The following STK32B variants were observed in gnomAD, a reference collection of about 807,000 sequenced individuals.
The protein encoded by STK32B is serine/threonine-protein kinase 32B.
A neutral mutation model predicts 52.6 loss-of-function variants in STK32B; 43 were observed. The observed-to-expected ratio is 0.82, with a 90% CI of 0.64 to 1.05. STK32B has a LOEUF of 1.05. STK32B is among the 50% of genes least tolerant of loss of function. The pLI is 0.00. For missense variants in STK32B, 621 were observed against 534.6 expected (o/e 1.16, Z -1.59); for synonymous variants, 238 against 204.3 (o/e 1.17, Z -1.41).
intron 11 of STK32B, among the ~76,000 whole-genome samples, chr4:5,497,165 C>T: frequency 6.6e-6 from 1 of 152,136 alleles, no homozygotes; most frequent in Non-Finnish European, 1.5e-5. Context: ...TTTAAATAAT[C>T]CCTGCAGTAT....
At position 5,129,323 on chromosome 4, in the gene STK32B, T is replaced by C. The variant is rs1054622227; in HGVS notation, c.53-10582T>C. On this transcript the variant is annotated intron_variant, in intron 1 of 11. Transcript: ENST00000282908. ...TCTTTATTGGAGTCCAACCTAGGTC[T>C]GTTAACGTCCAAAGCTGTTTTCTTC... 3.3e-5 allele frequency among the ~76,000 whole-genome samples: 5 copies of C among 152,222 alleles called. No homozygotes were observed. The East Asian group carries it at 9.6e-4, about 29-fold the overall frequency.
At chr4:5,030,205 A>G in the STK32B span, among the ~76,000 whole-genome samples, 40 of 152,222 alleles carry the variant, frequency 2.6e-4, no homozygotes, top group African/African-American at 9.6e-4. Context: ...CAATACATGG[A>G]CTAATGCACT....
chr4:5,159,542 T>C (rs376321126), intron 2 of STK32B, among the ~76,000 whole-genome samples: 1 of 102,942 alleles, frequency 9.7e-6, no homozygotes, highest in Non-Finnish European at 2.0e-5. Flanking sequence ...TGTATATATG[T>C]ATATATATGA....
At chr4:5,360,787 C>G (rs1432318901) in intron 4 of STK32B, among the ~76,000 whole-genome samples, 1 of 152,094 alleles carries the variant, frequency 6.6e-6, no homozygotes, top group African/African-American at 2.4e-5. Flanking sequence ...GCCTGGGCAA[C>G]AAGAGCAAAA....
intron 3 of STK32B, among the ~76,000 whole-genome samples, chr4:5,222,490 G>A (rs1196487601): frequency 6.6e-6 from 1 of 152,184 alleles, no homozygotes. Flanking sequence ...GAGAGTAAAG[G>A]CTGTTCTGAT....
intron 4 of STK32B, among the ~76,000 whole-genome samples, chr4:5,389,213 A>G (rs903737960): frequency 2.0e-5 from 3 of 152,188 alleles, no homozygotes; most frequent in Non-Finnish European, 4.4e-5. Context: ...TGGCTGTCCC[A>G]CATACGGACT....
intron 3 of STK32B, among the ~76,000 whole-genome samples, chr4:5,328,935 C>T (rs745956590): frequency 6.6e-5 from 10 of 152,108 alleles, no homozygotes; most frequent in African/African-American, 1.4e-4. Context: ...TGGCCGGGCG[C>T]GGTGGCTCAT....
intron 1 of STK32B, among the ~76,000 whole-genome samples, chr4:5,090,451 C>G (rs1011465474): frequency 7.1e-6 from 1 of 141,472 alleles, no homozygotes; most frequent in Non-Finnish European, 1.5e-5. Context: ...TCTTGGCTCA[C>G]TGCAAACTCT....
At chr4:5,476,127 T>C (rs1718221238) in intron 11 of STK32B, among the ~76,000 whole-genome samples, 1 of 152,152 alleles carries the variant, frequency 6.6e-6, no homozygotes, top group African/African-American at 2.4e-5. Flanking sequence ...CTCGATCTCC[T>C]GACCTCAGGT....
chr4:5,071,663 A>T (rs1577048981), intron 1 of STK32B, among the ~76,000 whole-genome samples: 1 of 152,294 alleles, frequency 6.6e-6, no homozygotes, highest in East Asian at 1.9e-4. Context: ...GGAGAATCAA[A>T]GGAGCTTAGC....
chr4:5,112,427 C>T (rs2108803193), intron 1 of STK32B, among the ~76,000 whole-genome samples: 1 of 152,182 alleles, frequency 6.6e-6, no homozygotes, highest in Middle Eastern at 3.4e-3. Flanking sequence ...AGGCTCGAGA[C>T]CCAAGAAGAG....
intron 3 of STK32B, among the ~76,000 whole-genome samples, chr4:5,264,417 A>G (rs552546987): frequency 7.9e-5 from 12 of 152,160 alleles, no homozygotes; most frequent in African/African-American, 2.6e-4. Context: ...TAATCTAATT[A>G]TTAGTATTTA....
chr4:5,238,492 T>G (rs1376422657), intron 3 of STK32B, among the ~76,000 whole-genome samples: 2 of 152,166 alleles, frequency 1.3e-5, no homozygotes, highest in Non-Finnish European at 2.9e-5. Flanking sequence ...TTTTACATTT[T>G]TCAAATAAAT....
chr4:5,377,579 C>T (rs1735661956), intron 4 of STK32B, among the ~76,000 whole-genome samples: 1 of 152,178 alleles, frequency 6.6e-6, no homozygotes. Context: ...GCCTCTATGT[C>T]CCGACCCCAA....
intron 4 of STK32B, among the ~76,000 whole-genome samples, chr4:5,348,527 C>T (rs2108981697): frequency 6.6e-6 from 1 of 152,272 alleles, no homozygotes; most frequent in East Asian, 1.9e-4. Context: ...GGGGTGACTG[C>T]ACATTTTTAT....
At chr4:5,208,089 T>C (rs1722688651) in intron 3 of STK32B, among the ~76,000 whole-genome samples, 1 of 152,116 alleles carries the variant, frequency 6.6e-6, no homozygotes, top group Admixed American at 6.5e-5. Flanking sequence ...TTGGATATAC[T>C]ACAGTGTGTC....
chr4:5,061,395 A>G (rs1250219857), intron 1 of STK32B, among the ~76,000 whole-genome samples: 2 of 152,198 alleles, frequency 1.3e-5, no homozygotes, highest in South Asian at 2.1e-4. Flanking sequence ...TGTCTTAAAC[A>G]TATTAACCAA....
At chr4:5,464,586 G>A (rs939176551) in intron 9 of STK32B, among the ~76,000 whole-genome samples, 4 of 152,238 alleles carry the variant, frequency 2.6e-5, no homozygotes, top group South Asian at 2.1e-4. Context: ...TGCTTGTCAC[G>A]TGAATGAACG....
intron 3 of STK32B, among the ~76,000 whole-genome samples, chr4:5,262,034 T>C (rs544586590): frequency 6.6e-6 from 1 of 152,356 alleles, no homozygotes; most frequent in Admixed American, 6.5e-5. Flanking sequence ...CTCCATTTCA[T>C]TGCCTCTAAC....
Sources: allele counts gnomAD v4.1 joint callset (sites outside exome capture counted in the v4.1 genomes callset), GRCh38; gene constraint gnomAD v4.1.1; transcripts MANE v1.5; gene names NCBI Gene and HGNC (gene_info 2026-07-23, HGNC 2026-07-21).